PCDHA13: variants seen among roughly 807,000 people sequenced by gnomAD.
The protein encoded by PCDHA13 is protocadherin alpha 13.
Under a neutral mutation model 64.8 loss-of-function variants are expected in PCDHA13, and 54 were observed. The ratio of observed to expected loss-of-function variants is 0.83; its 90% CI spans 0.67 to 1.04. The LOEUF (loss-of-function observed/expected upper bound fraction) is 1.04. PCDHA13 is among the 50% of genes least tolerant of loss of function. The probability of loss-of-function intolerance (pLI) is 0.00; values close to 1 mark genes in which losing one functional copy is unlikely to be tolerated. For synonymous variants in PCDHA13, 587 were observed against 564.4 expected (o/e 1.04, Z -0.57); for missense variants, 1,248 against 1,254.3 (o/e 0.99, Z 0.08).
intron 1 of PCDHA13, among the ~76,000 whole-genome samples, chr5:140,912,519 T>G (rs770184717): frequency 6.6e-6 from 1 of 152,164 alleles, no homozygotes. Context: ...TCTTTAGGGT[T>G]TTCAGAGTAC....
chr5:140,981,335 AG>A (rs2096927378), intron 2 of PCDHA13, among the ~76,000 whole-genome samples: 3 of 152,168 alleles, frequency 2.0e-5, no homozygotes, highest in Non-Finnish European at 4.4e-5. Context: ...GCACTTTGGG[AG>A]GGTGAGGCAG....
chr5:140,902,415 G>C (rs887303649), intron 1 of PCDHA13, among the ~76,000 whole-genome samples: 24 of 152,178 alleles, frequency 1.6e-4, no homozygotes, highest in Admixed American at 1.3e-3. Flanking sequence ...TTGAATAACA[G>C]TGGTGAAAGT....
At position 140,883,249 on chromosome 5, in the gene PCDHA13, T is replaced by A. The variant is rs145815075; in HGVS notation, c.981T>A (p.Asn327Lys). Residue 327 changes from asparagine (N) to lysine (K), a missense_variant, in exon 1 of 4, where the codon AAT becomes AAA. Asn to Lys is a moderately conservative substitution (Grantham distance 94, BLOSUM62 0). Transcript: ENST00000289272. ...CCGTGGAGGCAGTTGACAAAGGAAA[T>A]ATTCCAATGGCGGGTCATTGTACCC... ...EISVEAVDKG[N>K]IPMAGHCTLL... The A allele has an allele frequency of 5.1e-4, 830 of 1,613,870 alleles. 7 individuals carry two copies. In the African/African-American group the frequency reaches 9.0e-3, roughly 18 times the overall value.
At chr5:140,968,288 C>G in intron 1 of PCDHA13, 2 of 1,613,976 alleles carry the variant, frequency 1.2e-6, no homozygotes, top group South Asian at 2.2e-5. Flanking sequence ...GACCTACTCC[C>G]TTCTGGAGAG....
At chr5:140,913,993 G>A (rs2076550293) in intron 1 of PCDHA13, among the ~76,000 whole-genome samples, 2 of 152,040 alleles carry the variant, frequency 1.3e-5, no homozygotes, top group South Asian at 4.2e-4. Flanking sequence ...ATTGTGACTA[G>A]CATATGGTCT....
In PCDHA13 at chr5:140,884,556, GC is replaced by G; in HGVS notation, c.2291del (p.Pro764ArgfsTer33). The G allele has an allele frequency of 1.2e-6, 2 of 1,614,154 alleles. No individual in the cohort carries two copies. Among genetic ancestry groups the G allele is most frequent in the Non-Finnish European group, 1.7e-6 (2 of 1,180,032 alleles). ...QRRPRVCSGE[G>X]PHKTDLMAFS... ...CGGCCGAGGGTGTGCTCTGGGGAGG[GC>G]CCGCATAAGACGGACCTCATGGCCT... On this transcript the variant is annotated frameshift_variant, in exon 1 of 4. Transcript: ENST00000289272. LOFTEE classifies it high-confidence loss of function.
chr5:140,982,538 G>C lies in PCDHA13; in HGVS notation c.2517G>C (p.Trp839Cys), dbSNP rs782094765. The change falls in exon 3 of 4, where the codon TGG becomes TGC. Residue 839 changes from tryptophan to cysteine, a missense_variant. Coordinates refer to ENST00000289272, the MANE Select transcript of PCDHA13 (RefSeq NM_018904.3). ...GTCCAGGAGGGCCTGATCAGCAGTG[G>C]CCAACAGTATCCAGTGCAACACCAG... ...RAGPGGPDQQ[W>C]PTVSSATPEP... 1 of 1,614,166 alleles carries C rather than the reference G, an allele frequency of 6.2e-7. No individual in the cohort carries two copies.
chr5:140,959,646 G>A (rs1222418847), intron 1 of PCDHA13, among the ~76,000 whole-genome samples: 5 of 152,010 alleles, frequency 3.3e-5, no homozygotes, highest in Admixed American at 6.6e-5. Context: ...AAACACAGAA[G>A]CAAAATTGAA....
In PCDHA13 at chr5:140,997,121, A is replaced by G. The variant is rs138556400; in HGVS notation, c.2543-12506A>G. On this transcript the variant is annotated intron_variant, in intron 3 of 3. Transcript: ENST00000289272. ...CTCATGCACTCCTGCTCTCCCACAT[A>G]CACAATGCCCCCACACCCCCGCCAC... 2.1e-4 allele frequency among the ~76,000 whole-genome samples: 32 copies of G among 152,152 alleles called. No individual in the cohort carries two copies. The East Asian group carries it at 5.8e-3, about 28-fold the overall frequency.
chr5:140,942,608 T>G (rs1221656316), intron 1 of PCDHA13, among the ~76,000 whole-genome samples: 3 of 114,466 alleles, frequency 2.6e-5, no homozygotes, highest in Non-Finnish European at 5.4e-5. Context: ...AGTGTTTATA[T>G]TTGCCAATTG....
chr5:140,919,609 CT>C (rs2079218169), intron 1 of PCDHA13, among the ~76,000 whole-genome samples: 2 of 151,908 alleles, frequency 1.3e-5, no homozygotes, highest in South Asian at 4.1e-4. Flanking sequence ...AAATTTTAAA[CT>C]GTATCTTTTG....
intron 3 of PCDHA13, among the ~76,000 whole-genome samples, chr5:140,999,698 T>C (rs903538308): frequency 2.0e-5 from 3 of 152,192 alleles, no homozygotes; most frequent in Non-Finnish European, 4.4e-5. Flanking sequence ...ATGTGATTTT[T>C]TTTTAGCTAA....
In PCDHA13 at chr5:140,883,376, G is replaced by C; in HGVS notation, c.1108G>C (p.Ala370Pro). 1 of 1,614,116 alleles carries C rather than the reference G, an allele frequency of 6.2e-7. No individual in the cohort carries two copies. Among genetic ancestry groups the C allele is most frequent in the Non-Finnish European group, 8.5e-7 (1 of 1,180,014 alleles). The change falls in exon 1 of 4, where the codon GCC (alanine) becomes CCC (proline). Residue 370 changes from alanine to proline, a missense_variant. Transcript: ENST00000289272. ...AGACACTCAGCCTAGCGCCATTATTGCCCTAATCAGTGTGTCCGATCGTGA... is the reference window on the plus strand; with the variant it reads ...AGACACTCAGCCTAGCGCCATTATTCCCCTAATCAGTGTGTCCGATCGTGA... The part of the protein sequence containing the change: ...REDTQPSAII[A>P]LISVSDRDSG...
chr5:140,989,874 A>C (rs1328387054), intron 3 of PCDHA13, among the ~76,000 whole-genome samples: 1 of 152,098 alleles, frequency 6.6e-6, no homozygotes, highest in Admixed American at 6.6e-5. Context: ...TCTCTGCCTC[A>C]GCACTTGGAG....
chr5:140,987,850 A>G lies in PCDHA13; in HGVS notation c.2542+5287A>G, dbSNP rs115051779. Among the ~76,000 whole-genome samples, 1,266 of 152,242 alleles carry G rather than the reference A, an allele frequency of 8.3e-3. 21 individuals are homozygous for G. Among genetic ancestry groups the G allele is most frequent in the African/African-American group, 0.028 (1,145 of 41,532 alleles). On this transcript the variant is annotated intron_variant, in intron 3 of 3. Coordinates refer to ENST00000289272, the MANE Select transcript of PCDHA13 (RefSeq NM_018904.3). ...GGGATTGCTTTTGCCCTGATTTGCCACATCTCTTTACTCTGTGGAAAATGG... is the reference window on the plus strand; with the variant it reads ...GGGATTGCTTTTGCCCTGATTTGCCGCATCTCTTTACTCTGTGGAAAATGG...
In PCDHA13 at chr5:140,884,360, G is replaced by A. The variant is rs782401694; in HGVS notation, c.2092G>A (p.Val698Ile). The change falls in exon 1 of 4, where the codon GTT (valine) becomes ATT (isoleucine). Residue 698 changes from valine to isoleucine, a missense_variant. Val to Ile is a conservative substitution (Grantham distance 29). Coordinates refer to ENST00000289272, the MANE Select transcript of PCDHA13 (RefSeq NM_018904.3). ...GPEAALVDVNVYLIIAICAVS... is the reference protein window; with the variant it reads ...GPEAALVDVNIYLIIAICAVS... ...AGAAGCGGCGCTGGTGGATGTCAAT[G>A]TTTACTTGATCATTGCCATCTGCGC... The A allele has an allele frequency of 3.1e-6, 5 of 1,613,852 alleles. No individual in the cohort carries two copies. The African/African-American group carries it at 4.0e-5, about 13-fold the overall frequency.
intron 1 of PCDHA13, among the ~76,000 whole-genome samples, chr5:140,887,455 A>T (rs1334702818): frequency 6.6e-6 from 1 of 152,134 alleles, no homozygotes; most frequent in Non-Finnish European, 1.5e-5. Flanking sequence ...ACAGTTTTTT[A>T]AAAGATATAA....
intron 1 of PCDHA13, among the ~76,000 whole-genome samples, chr5:140,959,091 G>A (rs1257984257): frequency 3.3e-5 from 5 of 152,048 alleles, no homozygotes; most frequent in African/African-American, 1.2e-4. Context: ...CTTGGTTTCG[G>A]ACATTCAGCA....
At chr5:140,927,994 G>C in intron 1 of PCDHA13, 1 of 1,614,180 alleles carries the variant, frequency 6.2e-7, no homozygotes, top group Non-Finnish European at 8.5e-7. Flanking sequence ...AAAGGATGAA[G>C]ACCTCGATTC....
Sources: allele counts gnomAD v4.1 joint callset (sites outside exome capture counted in the v4.1 genomes callset), GRCh38; gene constraint gnomAD v4.1.1; transcripts MANE v1.5; gene names NCBI Gene and HGNC (gene_info 2026-07-23, HGNC 2026-07-21).